PAPSS2: variants seen among roughly 807,000 people sequenced by gnomAD.
PAPSS2 encodes 3'-phosphoadenosine 5'-phosphosulfate synthase 2.
PAPSS2 carries 61 observed loss-of-function variants against 66.5 expected under a neutral mutation model. The observed-to-expected ratio is 0.92, with a 90% confidence interval of 0.75 to 1.14. PAPSS2 has a LOEUF of 1.14. Ranked by LOEUF, PAPSS2 falls within the 50% of genes most tolerant of loss-of-function variation. PAPSS2 has a pLI of 0.00. For synonymous variants in PAPSS2, 289 were observed against 287.5 expected (o/e 1.01, Z -0.05); for missense variants, 708 against 789.6 (o/e 0.90, Z 1.24).
chr10:87,737,839 T>C (rs1003136177), intron 9 of PAPSS2, among the ~76,000 whole-genome samples: 8 of 152,060 alleles, frequency 5.3e-5, no homozygotes, highest in Non-Finnish European at 8.8e-5. Context: ...TCCCCTCTTC[T>C]TCTTTCCTCC....
At chr10:87,700,757 G>A (rs1853293546) in intron 1 of PAPSS2, among the ~76,000 whole-genome samples, 1 of 151,532 alleles carries the variant, frequency 6.6e-6, no homozygotes. Flanking sequence ...TACACTAAAA[G>A]TAGAAAAGTT....
At chr10:87,742,561 A>G (rs1853883234) in intron 10 of PAPSS2, among the ~76,000 whole-genome samples, 1 of 152,234 alleles carries the variant, frequency 6.6e-6, no homozygotes, top group African/African-American at 2.4e-5. Flanking sequence ...AATACTATAG[A>G]CATAAAAATT....
At chr10:87,689,333 T>C (rs1032501158) in intron 1 of PAPSS2, among the ~76,000 whole-genome samples, 101 of 88,124 alleles carry the variant, frequency 1.1e-3, no homozygotes, top group African/African-American at 1.4e-3. Flanking sequence ...CGAGCAAAAC[T>C]CCATCTCAAA....
intron 11 of PAPSS2, 75 bp downstream of exon 11, chr10:87,743,716 C>T (rs1853902390): frequency 1.3e-6 from 2 of 1,523,778 alleles, no homozygotes; most frequent in African/African-American, 1.4e-5. Context: ...GTAAATGAGT[C>T]TCTGGGATCC....
At chr10:87,682,950 C>G (rs1853040752) in intron 1 of PAPSS2, among the ~76,000 whole-genome samples, 1 of 152,116 alleles carries the variant, frequency 6.6e-6, no homozygotes, top group Admixed American at 6.5e-5. Flanking sequence ...CGTGCTTTCC[C>G]CATAAATTCT....
intron 1 of PAPSS2, among the ~76,000 whole-genome samples, chr10:87,666,103 A>G (rs747052092): frequency 2.2e-4 from 33 of 151,628 alleles, no homozygotes; most frequent in Non-Finnish European, 4.0e-4. Context: ...AGCTGGGGTT[A>G]CAGGTGTGCA....
At chr10:87,685,018 C>T (rs78939511) in intron 1 of PAPSS2, among the ~76,000 whole-genome samples, 2,210 of 152,238 alleles carry the variant, frequency 0.015, 57 homozygotes, top group African/African-American at 0.048. Context: ...TCATCTCTAC[C>T]CCTGGGACTA....
intron 2 of PAPSS2, among the ~76,000 whole-genome samples, chr10:87,710,599 A>C (rs1279528688): frequency 6.6e-6 from 1 of 152,240 alleles, no homozygotes; most frequent in Non-Finnish European, 1.5e-5. Context: ...TGAAAAGAAA[A>C]AGAGAATTGG....
intron 1 of PAPSS2, among the ~76,000 whole-genome samples, chr10:87,706,108 A>ATATATATATATG: frequency 5.8e-5 from 3 of 52,002 alleles, no homozygotes; most frequent in Admixed American, 2.0e-4. Context: ...ATATATATAT[A>ATATATATATATG]TGTGTGTGTG....
chr10:87,669,851 T>G (rs926284465), intron 1 of PAPSS2, among the ~76,000 whole-genome samples: 1 of 152,234 alleles, frequency 6.6e-6, no homozygotes, highest in Non-Finnish European at 1.5e-5. Flanking sequence ...CTGTAGTTAA[T>G]AAGATGTTTA....
At chr10:87,664,876 T>C (rs1165351929) in intron 1 of PAPSS2, among the ~76,000 whole-genome samples, 1 of 152,242 alleles carries the variant, frequency 6.6e-6, no homozygotes, top group Admixed American at 6.5e-5. Flanking sequence ...ATATGACACT[T>C]GGAACAGCTT....
chr10:87,729,466 A>G (rs1183037652), intron 9 of PAPSS2, among the ~76,000 whole-genome samples: 1 of 152,174 alleles, frequency 6.6e-6, no homozygotes, highest in Admixed American at 6.5e-5. Flanking sequence ...AATTGCACCC[A>G]TATGATGGCA....
intron 7 of PAPSS2, among the ~76,000 whole-genome samples, chr10:87,721,095 C>T (rs143801603): frequency 1.3e-5 from 2 of 152,318 alleles, no homozygotes; most frequent in East Asian, 3.9e-4. Flanking sequence ...ACTTATTGAG[C>T]ACCAATTGTG....
chr10:87,704,727 C>G (rs1167294576), intron 1 of PAPSS2, among the ~76,000 whole-genome samples: 1 of 152,110 alleles, frequency 6.6e-6, no homozygotes, highest in Non-Finnish European at 1.5e-5. Flanking sequence ...CTGCAACCTC[C>G]GCTTCCTGGG....
At chr10:87,705,060 G>A (rs1452749388) in intron 1 of PAPSS2, among the ~76,000 whole-genome samples, 1 of 152,196 alleles carries the variant, frequency 6.6e-6, no homozygotes, top group Non-Finnish European at 1.5e-5. Context: ...ACACGTGAGT[G>A]CCTCAAACCC....
intron 1 of PAPSS2, chr10:87,660,303 G>A: frequency 1.8e-6 from 1 of 567,640 alleles, no homozygotes; most frequent in Non-Finnish European, 3.1e-6. Flanking sequence ...CTAGATCCAG[G>A]ACCAGGGACA....
intron 1 of PAPSS2, among the ~76,000 whole-genome samples, chr10:87,668,189 A>G (rs989305280): frequency 1.3e-5 from 2 of 152,300 alleles, no homozygotes; most frequent in Admixed American, 1.3e-4. Flanking sequence ...ATTTTCATAC[A>G]TTTGCTAGTG....
intron 2 of PAPSS2, among the ~76,000 whole-genome samples, chr10:87,712,735 G>A (rs1853477914): frequency 6.6e-6 from 1 of 152,064 alleles, no homozygotes; most frequent in Non-Finnish European, 1.5e-5. Context: ...GGGATTACAG[G>A]CATGAGCCAC....
chr10:87,745,766 C>T (rs1000076247), intron 12 of PAPSS2, 66 bp from the exon 13 acceptor site: 127 of 1,556,438 alleles, frequency 8.2e-5, no homozygotes, highest in Non-Finnish European at 1.1e-4. Flanking sequence ...CCATAACCTA[C>T]TCCAGGAATC....
Sources: gnomAD v4.1 joint callset for allele counts (sites outside exome capture counted in the v4.1 genomes callset) on GRCh38, gnomAD v4.1.1 for gene constraint, MANE v1.5 for transcripts, NCBI Gene and HGNC (gene_info 2026-07-23, HGNC 2026-07-21) for gene names.